The following FNBP1 variants were observed in gnomAD, a reference collection of about 807,000 sequenced individuals.
FNBP1 encodes the protein formin binding protein 1.
Under a neutral mutation model 90.6 loss-of-function variants are expected in FNBP1, and 26 were observed. The ratio of observed to expected loss-of-function variants is 0.29; its 90% CI spans 0.21 to 0.40. FNBP1 has a LOEUF of 0.40. FNBP1 is among the 10% of genes least tolerant of loss of function. FNBP1 has a pLI of 1.00. For missense variants in FNBP1, 635 were observed against 768.0 expected (o/e 0.83, Z 2.05); for synonymous variants, 260 against 265.2 (o/e 0.98, Z 0.19).
intron 2 of FNBP1, among the ~76,000 whole-genome samples, chr9:129,986,259 T>G (rs369107262): frequency 8.6e-5 from 13 of 151,984 alleles, no homozygotes; most frequent in African/African-American, 3.1e-4. Flanking sequence ...AAAATCACCC[T>G]CCTTCAGATT....
chr9:129,923,600 A>G (rs1164702263), intron 10 of FNBP1, among the ~76,000 whole-genome samples: 1 of 151,106 alleles, frequency 6.6e-6, no homozygotes, highest in East Asian at 1.9e-4. Flanking sequence ...AAAGAAAGAA[A>G]CAAATAGAAA....
intron 16 of FNBP1, 38 bp downstream of exon 16, chr9:129,895,800 T>C (rs753788716): frequency 9.9e-7 from 1 of 1,006,772 alleles, no homozygotes; most frequent in Non-Finnish European, 1.4e-6. Context: ...TTTTTTTAAG[T>C]TTTTTTTTTT....
chr9:129,935,474 A>C (rs1452640252), intron 6 of FNBP1, among the ~76,000 whole-genome samples: 2 of 64,050 alleles, frequency 3.1e-5, no homozygotes, highest in Non-Finnish European at 7.3e-5. Context: ...TTGCATCATC[A>C]TTTTTCTTTT....
chr9:129,908,992 G>A lies in FNBP1; in HGVS notation c.1193C>T (p.Thr398Ile), dbSNP rs2038704945. Reference sequence around the variant, plus strand: ...TGGGAGGTTGCTGAAATCCTCCGGTGTTGCACCCTGCAGACACAAATATAA... The same window carrying A: ...TGGGAGGTTGCTGAAATCCTCCGGTATTGCACCCTGCAGACACAAATATAA... ...KRGLSLKLGA[T>I]PEDFSNLPPE... Residue 398 changes from threonine (T) to isoleucine (I), a missense_variant, in exon 12 of 17, where the codon ACA (threonine) becomes ATA (isoleucine). By Grantham distance (89) the Thr-to-Ile change is moderately conservative. Transcript: ENST00000446176. 6.2e-7 allele frequency: 1 copy of A among 1,609,490 alleles called. No individual in the cohort carries two copies. The highest frequency in any genetic ancestry group is 1.7e-5 in the Admixed American group (1 of 59,964).
chr9:130,034,948 G>C (rs1193094082), intron 1 of FNBP1, among the ~76,000 whole-genome samples: 1 of 151,944 alleles, frequency 6.6e-6, no homozygotes, highest in Non-Finnish European at 1.5e-5. Flanking sequence ...GGAGTTCAAG[G>C]CCAGCCTGGG....
At chr9:129,956,207 G>T (rs2046918963) in intron 6 of FNBP1, among the ~76,000 whole-genome samples, 3 of 152,146 alleles carry the variant, frequency 2.0e-5, no homozygotes, top group South Asian at 4.1e-4. Flanking sequence ...TTAGAGAAAG[G>T]CATACTAATA....
chr9:129,932,506 C>T (rs574883113), intron 6 of FNBP1, among the ~76,000 whole-genome samples: 38 of 152,260 alleles, frequency 2.5e-4, no homozygotes, highest in South Asian at 6.2e-4. Context: ...ACAGTTGCTT[C>T]CCTTATTTTC....
At chr9:130,011,255 TATATATATATATAA>T (rs2056557162) in intron 1 of FNBP1, among the ~76,000 whole-genome samples, 1 of 67,608 alleles carries the variant, frequency 1.5e-5, no homozygotes, top group Non-Finnish European at 3.0e-5. Flanking sequence ...TATATATATA[TATATATATATATAA>T]AATATATATA....
At chr9:129,938,006 A>T (rs1171385107) in intron 6 of FNBP1, among the ~76,000 whole-genome samples, 1 of 152,048 alleles carries the variant, frequency 6.6e-6, no homozygotes, top group Non-Finnish European at 1.5e-5. Context: ...CTACTAAAAA[A>T]TACAAAAATT....
intron 6 of FNBP1, among the ~76,000 whole-genome samples, chr9:129,931,725 G>A (rs1390431694): frequency 6.6e-6 from 1 of 151,966 alleles, no homozygotes; most frequent in African/African-American, 2.4e-5. Flanking sequence ...TTGAGCTCAG[G>A]AGGTCAAGTA....
intron 7 of FNBP1, 101 bp downstream of exon 7, chr9:129,929,466 C>A: frequency 6.0e-6 from 5 of 829,012 alleles, no homozygotes; most frequent in South Asian, 1.8e-5. Flanking sequence ...TATAAAGACT[C>A]AGACTCAGAA....
rs1004362336 is a variant in FNBP1, at chr9:129,927,750, A to C, written c.643-409T>G. On this transcript the variant is annotated intron_variant, in intron 7 of 16. Transcript: ENST00000446176. The stretch of plus-strand genomic sequence containing the variant: ...CAGCCTCCCAAGTAGCTGGGATTAC[A>C]GGCCCCACCCCCCCTCCCCCCGCCA... Among the ~76,000 whole-genome samples the C allele has an allele frequency of 3.4e-5, 5 of 146,698 alleles. No individual in the cohort carries two copies. In the Admixed American group the frequency reaches 3.4e-4, roughly 10 times the overall value.
At position 129,966,263 on chromosome 9, in the gene FNBP1, C is replaced by T. The variant is rs74917686; in HGVS notation, c.346-7710G>A. 9.9e-3 allele frequency among the ~76,000 whole-genome samples: 1,505 copies of T among 152,250 alleles called. 29 individuals carry two copies. The highest frequency in any genetic ancestry group is 0.034 in the African/African-American group (1,417 of 41,536). ...AGGGTCTGAGGAATACCCTCCAAGC[C>T]GCAGGCAGAGCAAGTGCAGATGCTC... On this transcript the variant is annotated intron_variant, in intron 4 of 16. Transcript: ENST00000446176. This position sits in a 1 kb window ranked among gnomAD's most constrained non-coding sequence, Gnocchi z 4.3.
At position 130,041,655 on chromosome 9, in the gene FNBP1, G is replaced by T. The variant is rs1163178343; in HGVS notation, c.24+1297C>A. Reference sequence around the variant, plus strand: ...CATGAATCCCTTTTAGGCAGAAGATGTTTATAAAATGAATTATCTTAATTT... The same window carrying T: ...CATGAATCCCTTTTAGGCAGAAGATTTTTATAAAATGAATTATCTTAATTT... On this transcript the variant is annotated intron_variant, in intron 1 of 16. Coordinates refer to ENST00000446176, the MANE Select transcript of FNBP1 (RefSeq NM_015033.3). This position sits in a 1 kb window ranked among gnomAD's most constrained non-coding sequence, Gnocchi z 4.3. 2.0e-5 allele frequency among the ~76,000 whole-genome samples: 3 copies of T among 152,190 alleles called. No individual in the cohort carries two copies. The highest frequency in any genetic ancestry group is 4.4e-5 in the Non-Finnish European group (3 of 68,026).
intron 16 of FNBP1, among the ~76,000 whole-genome samples, chr9:129,893,698 T>C (rs2035360805): frequency 1.4e-5 from 2 of 143,764 alleles, no homozygotes; most frequent in Admixed American, 7.2e-5. Flanking sequence ...GGACAGATCA[T>C]GAGGTCAGGA....
At chr9:129,892,417 A>ACACACACACACACAC (rs2035215307) in intron 16 of FNBP1, among the ~76,000 whole-genome samples, 1 of 147,272 alleles carries the variant, frequency 6.8e-6, no homozygotes, top group African/African-American at 2.5e-5. Context: ...ACACACACAC[A>ACACACACACACACAC]AAAAGGTTGA....
chr9:129,895,500 G>A, intron 16 of FNBP1: 4 of 1,182,206 alleles, frequency 3.4e-6, no homozygotes, highest in Non-Finnish European at 2.1e-6. Flanking sequence ...AATTCAGAAA[G>A]ATGAGAAGCT....
At chr9:130,000,893 T>C (rs911679335) in intron 1 of FNBP1, among the ~76,000 whole-genome samples, 1 of 152,234 alleles carries the variant, frequency 6.6e-6, no homozygotes, top group African/African-American at 2.4e-5. Flanking sequence ...CTCAGGATCA[T>C]GTATTTTAGT....
chr9:129,907,580 GGTGTGTGTGTGTGTGTGTGTGT>G (rs55973122), intron 12 of FNBP1, among the ~76,000 whole-genome samples: 10 of 147,108 alleles, frequency 6.8e-5, no homozygotes, highest in Admixed American at 2.7e-4. Context: ...TAGGAGTGAG[GGTGTGTGTGTGTGTGTGTGTGT>G]GTGTGTGTGT....
Sources: gnomAD v4.1 joint callset for allele counts (sites outside exome capture counted in the v4.1 genomes callset) on GRCh38, gnomAD v4.1.1 for gene constraint, Gnocchi (gnomAD v3.1) non-coding constraint, MANE v1.5 for transcripts, NCBI Gene and HGNC (gene_info 2026-07-23, HGNC 2026-07-21) for gene names.